CNPY1: variants seen among roughly 807,000 people sequenced by gnomAD.
CNPY1 encodes protein canopy homolog 1.
CNPY1 carries 14 observed loss-of-function variants against 14.4 expected under a neutral mutation model. That is an observed-to-expected ratio of 0.97 (90% CI 0.64 to 1.52). The LOEUF is 1.52. Ranked by LOEUF, CNPY1 falls within the 40% of genes most tolerant of loss-of-function variation. CNPY1 has a pLI of 0.00. For missense variants in CNPY1, 129 were observed against 131.5 expected (o/e 0.98, Z 0.09); for synonymous variants, 43 against 46.5 (o/e 0.92, Z 0.31).
chr7:155,529,071 A>AG lies in CNPY1; in HGVS notation c.99+16759dup, dbSNP rs11381469. ...GCGAGACTCCATATCAAAAAAAAAA[A>AG]GAAAAGAAAAAACAACTTTGTCCCA... is the stretch of plus-strand genomic sequence containing the variant. On this transcript the variant is annotated intron_variant, in intron 2 of 4. Transcript: ENST00000636446. Among the ~76,000 whole-genome samples the AG allele has an allele frequency of 6.7e-5, 10 of 149,858 alleles. 2 individuals carry two copies. The South Asian group carries it at 2.1e-3, about 32-fold the overall frequency.
chr7:155,530,828 CT>C (rs1796925240), intron 2 of CNPY1, among the ~76,000 whole-genome samples: 1 of 152,210 alleles, frequency 6.6e-6, no homozygotes, highest in Non-Finnish European at 1.5e-5. Flanking sequence ...CGTCCCTGGC[CT>C]CCACCCACTG....
At chr7:155,508,801 A>G in intron 3 of CNPY1, 93 bp downstream of exon 3, 2 of 1,358,108 alleles carry the variant, frequency 1.5e-6, no homozygotes, top group Non-Finnish European at 2.1e-6. Context: ...CATGTCTTGA[A>G]ACTCAACCAC....
At chr7:155,534,680 AC>A (rs1336320848) in intron 2 of CNPY1, among the ~76,000 whole-genome samples, 2 of 152,084 alleles carry the variant, frequency 1.3e-5, no homozygotes, top group Non-Finnish European at 2.9e-5. Context: ...TGGGTCCTGA[AC>A]CTCCCCTACT....
At chr7:155,507,941 C>T (rs746398815) in intron 3 of CNPY1, among the ~76,000 whole-genome samples, 9 of 152,178 alleles carry the variant, frequency 5.9e-5, no homozygotes, top group Admixed American at 1.3e-4. Flanking sequence ...GATTTAAATT[C>T]GACTCTAATG....
chr7:155,525,707 TA>T lies in CNPY1; in HGVS notation c.100-16611del, dbSNP rs563794802. Among the ~76,000 whole-genome samples the T allele has an allele frequency of 4.6e-5, 7 of 152,368 alleles. No homozygotes were observed. In the East Asian group the frequency reaches 1.3e-3, roughly 29 times the overall value. ...GGCTTCCTAGACCCCAAAGCCACAC[TA>T]TTTGTGTCTTATCTATGAAATACCA... On this transcript the variant is annotated intron_variant, in intron 2 of 4. Coordinates refer to ENST00000636446, the MANE Select transcript of CNPY1 (RefSeq NM_001393663.1).
chr7:155,512,226 A>G (rs1045411115), intron 2 of CNPY1, among the ~76,000 whole-genome samples: 1 of 152,212 alleles, frequency 6.6e-6, no homozygotes, highest in African/African-American at 2.4e-5. Context: ...AAACCCACGC[A>G]CTGGCACAGT....
intron 2 of CNPY1, among the ~76,000 whole-genome samples, chr7:155,544,759 C>T (rs145416429): frequency 6.6e-6 from 1 of 152,346 alleles, no homozygotes; most frequent in Non-Finnish European, 1.5e-5. Context: ...CACGGGGTCC[C>T]TCCGGTGGAC....
chr7:155,505,499 T>C (rs1299654218), intron 4 of CNPY1, among the ~76,000 whole-genome samples: 2 of 152,228 alleles, frequency 1.3e-5, no homozygotes, highest in African/African-American at 2.4e-5. Context: ...GTAGTTAAGA[T>C]TATTGAAATT....
chr7:155,532,482 A>G (rs534555779), intron 2 of CNPY1, among the ~76,000 whole-genome samples: 22 of 149,746 alleles, frequency 1.5e-4, no homozygotes, highest in Middle Eastern at 3.4e-3. Flanking sequence ...TTAGCCGGGC[A>G]CGGTGGTGGG....
intron 2 of CNPY1, among the ~76,000 whole-genome samples, chr7:155,524,394 T>C (rs1446238344): frequency 6.6e-6 from 1 of 152,248 alleles, no homozygotes; most frequent in Non-Finnish European, 1.5e-5. Flanking sequence ...CAGGCTGAAC[T>C]GCAGGAGGTG....
At position 155,508,998 on chromosome 7, in the gene CNPY1, CCTT is replaced by C. The variant is rs751520697; in HGVS notation, c.196_198del (p.Lys66del). ...GGAGCGAATCTCTTGAAAGTTCTCT[CCTT>C]CGTCACAGGGTCTTCCTCAAGCTTG... is the stretch of plus-strand genomic sequence containing the variant. On this transcript the variant is annotated inframe_deletion, in exon 3 of 5. Transcript: ENST00000636446. The C allele has an allele frequency of 2.1e-4, 344 of 1,613,826 alleles. No homozygotes were observed. The highest frequency in any genetic ancestry group is 4.9e-4 in the Middle Eastern group (3 of 6,082).
rs889918941 is a variant in CNPY1, at chr7:155,541,045, G to A, written c.99+4786C>T. ...GCTGGCTGCATTTTGCTGAACAGAC[G>A]AGGCTTTGTGCCAGTGTGAGGAGCT... On this transcript the variant is annotated intron_variant, in intron 2 of 4. Transcript: ENST00000636446. 3.9e-5 allele frequency among the ~76,000 whole-genome samples: 6 copies of A among 152,304 alleles called. No individual in the cohort carries two copies. In the Middle Eastern group the frequency reaches 0.01, roughly 259 times the overall value.
At chr7:155,520,723 A>T (rs1455062942) in intron 2 of CNPY1, among the ~76,000 whole-genome samples, 1 of 152,150 alleles carries the variant, frequency 6.6e-6, no homozygotes, top group African/African-American at 2.4e-5. Flanking sequence ...TCTCAAAATG[A>T]CATTAAATGT....
intron 2 of CNPY1, among the ~76,000 whole-genome samples, chr7:155,527,423 ATAAT>A (rs1200822860): frequency 7.4e-6 from 1 of 135,024 alleles, no homozygotes; most frequent in Non-Finnish European, 1.6e-5. Context: ...TGTTATTTTG[ATAAT>A]TAATTTCTTT....
chr7:155,509,198 C>A (rs1421320), intron 2 of CNPY1, 101 bp from the exon 3 acceptor site: 87,803 of 625,318 alleles, frequency 0.14, 8,021 homozygotes, highest in African/African-American at 0.36. Context: ...TCCCTGAATG[C>A]AAACGTGTGC....
At chr7:155,544,114 C>T (rs934691631) in intron 2 of CNPY1, among the ~76,000 whole-genome samples, 1 of 152,208 alleles carries the variant, frequency 6.6e-6, no homozygotes, top group African/African-American at 2.4e-5. Context: ...TGGGTCGCAT[C>T]ACTCAAGGAT....
intron 4 of CNPY1, chr7:155,506,756 T>A: frequency 2.5e-6 from 1 of 398,854 alleles, no homozygotes; most frequent in Non-Finnish European, 4.5e-6. Flanking sequence ...ATTTTCTCCT[T>A]AACTGGAAAT....
intron 2 of CNPY1, among the ~76,000 whole-genome samples, chr7:155,531,975 A>G (rs1047900422): frequency 9.2e-5 from 14 of 152,240 alleles, no homozygotes; most frequent in African/African-American, 3.1e-4. Flanking sequence ...CCCTGCGTGG[A>G]TCAGGTTAAA....
chr7:155,520,342 C>T lies in CNPY1; in HGVS notation c.100-11245G>A, dbSNP rs551419057. Reference sequence around the variant, plus strand: ...AGCTTCGTTGTGCCGGCCGAGAGCACCCACATGCGGTCCCAGGGCATTTCT... The same window carrying T: ...AGCTTCGTTGTGCCGGCCGAGAGCATCCACATGCGGTCCCAGGGCATTTCT... On this transcript the variant is annotated intron_variant, in intron 2 of 4. Coordinates refer to ENST00000636446, the MANE Select transcript of CNPY1 (RefSeq NM_001393663.1). Among the ~76,000 whole-genome samples the T allele has an allele frequency of 1.2e-4, 18 of 152,156 alleles. No individual in the cohort carries two copies. The East Asian group carries it at 2.5e-3, about 21-fold the overall frequency.
Sources: gnomAD v4.1 joint callset for allele counts (sites outside exome capture counted in the v4.1 genomes callset) on GRCh38, gnomAD v4.1.1 for gene constraint, MANE v1.5 for transcripts, NCBI Gene and HGNC (gene_info 2026-07-23, HGNC 2026-07-21) for gene names.